The following CD1B variants were observed in gnomAD, a reference collection of about 807,000 sequenced individuals.
The protein encoded by CD1B is CD1b molecule.
CD1B carries 43 observed loss-of-function variants against 39.8 expected under a neutral mutation model. The observed-to-expected ratio is 1.08, with a 90% CI of 0.85 to 1.39. The LOEUF (loss-of-function observed/expected upper bound fraction) is 1.39, where lower values mean the gene tolerates loss of function less well. Among genes scored for constraint, CD1B ranks in the 40% most tolerant of loss-of-function variants. CD1B has a pLI of 0.00. For synonymous variants in CD1B, 192 were observed against 152.5 expected (o/e 1.26, Z -1.91); for missense variants, 495 against 403.8 (o/e 1.23, Z -1.94).
At chr1:158,330,400 C>T in intron 2 of CD1B, 1 of 569,182 alleles carries the variant, frequency 1.8e-6, no homozygotes, top group Non-Finnish European at 3.1e-6. Context: ...AGGAGTGCAG[C>T]ATTCCAGAGT....
At chr1:158,302,323 C>G in the CD1B span, among the ~76,000 whole-genome samples, 1 of 151,938 alleles carries the variant, frequency 6.6e-6, no homozygotes, top group South Asian at 2.1e-4. Context: ...CACTAAATGC[C>G]CACATCAAAA....
chr1:158,304,668 C>A, the CD1B span, among the ~76,000 whole-genome samples: 1 of 152,196 alleles, frequency 6.6e-6, no homozygotes. Flanking sequence ...GCCCAAGTAG[C>A]CTAACTGGGA....
At chr1:158,289,986 T>G in the CD1B span, 2 of 1,299,994 alleles carry the variant, frequency 1.5e-6, no homozygotes, top group Non-Finnish European at 2.2e-6. Flanking sequence ...AGTCAGAATA[T>G]AGGTACAGAG....
downstream of CD1B, among the ~76,000 whole-genome samples, chr1:158,323,894 G>A (rs73027850): frequency 0.044 from 6,635 of 152,214 alleles, 490 homozygotes; most frequent in African/African-American, 0.15. Flanking sequence ...GCTGAGACTG[G>A]GTCCCCTCAG....
chr1:158,326,558 A>C (rs1318702164), downstream of CD1B, among the ~76,000 whole-genome samples: 1 of 152,170 alleles, frequency 6.6e-6, no homozygotes, highest in Non-Finnish European at 1.5e-5. Flanking sequence ...TGAATGCTGA[A>C]CAACTATATA....
At chr1:158,311,386 C>A in the CD1B span, among the ~76,000 whole-genome samples, 4 of 151,972 alleles carry the variant, frequency 2.6e-5, no homozygotes. Context: ...TACTTTTTTG[C>A]CATTGAGCTC....
downstream of CD1B, among the ~76,000 whole-genome samples, chr1:158,326,540 A>AAAAAAT (rs1334735673): frequency 6.6e-6 from 1 of 152,176 alleles, no homozygotes; most frequent in African/African-American, 2.4e-5. Context: ...AGACAATTGG[A>AAAAAAT]AAAAATTTGA....
At chr1:158,295,286 G>C in the CD1B span, among the ~76,000 whole-genome samples, 191 of 152,088 alleles carry the variant, frequency 1.3e-3, 2 homozygotes, top group South Asian at 0.037. Context: ...GGGCTGAAGG[G>C]GGGAAGAAGC....
intron 4 of CD1B, 120 bp downstream of exon 4, chr1:158,329,250 A>AAATC (rs199589750): frequency 1.5e-6 from 2 of 1,299,076 alleles, no homozygotes; most frequent in Non-Finnish European, 2.1e-6. Flanking sequence ...GGGGTCAGGG[A>AAATC]AATCAATCAA....
chr1:158,294,752 G>A, the CD1B span, among the ~76,000 whole-genome samples: 3 of 152,126 alleles, frequency 2.0e-5, no homozygotes, highest in Admixed American at 1.3e-4. Flanking sequence ...TATTAAGATG[G>A]AAATAAACAT....
downstream of CD1B, among the ~76,000 whole-genome samples, chr1:158,325,114 C>T (rs1397804072): frequency 1.3e-5 from 2 of 151,880 alleles, no homozygotes; most frequent in East Asian, 1.9e-4. Flanking sequence ...AAGATAGTTA[C>T]TGAAGATAAT....
chr1:158,307,921 G>A, the CD1B span, among the ~76,000 whole-genome samples: 14 of 152,152 alleles, frequency 9.2e-5, no homozygotes, highest in African/African-American at 3.4e-4. Flanking sequence ...TGGAAAACTG[G>A]CACAAGACAG....
At chr1:158,325,223 T>C (rs906642730), downstream of CD1B, among the ~76,000 whole-genome samples, 5 of 152,118 alleles carry the variant, frequency 3.3e-5, no homozygotes, top group African/African-American at 1.2e-4. Context: ...CCAGGGCACT[T>C]TGAGGTCCCT....
the CD1B span, among the ~76,000 whole-genome samples, chr1:158,300,498 G>T: frequency 2.0e-4 from 31 of 152,254 alleles, no homozygotes; most frequent in East Asian, 5.4e-3. Flanking sequence ...TATTAGGTCT[G>T]CTTGGTGCAG....
the CD1B span, among the ~76,000 whole-genome samples, chr1:158,310,597 A>G: frequency 1.3e-5 from 2 of 152,176 alleles, no homozygotes; most frequent in Non-Finnish European, 2.9e-5. Context: ...CAGCATCTAT[A>G]AGGAACTTAA....
At chr1:158,292,518 T>C in the CD1B span, 1 of 1,519,848 alleles carries the variant, frequency 6.6e-7, no homozygotes, top group South Asian at 1.2e-5. Flanking sequence ...TAACTGTGCA[T>C]ATTCATGTGG....
At chr1:158,318,674 A>T in the CD1B span, among the ~76,000 whole-genome samples, 2 of 152,082 alleles carry the variant, frequency 1.3e-5, no homozygotes, top group Non-Finnish European at 2.9e-5. Context: ...TTTAAAGTTA[A>T]TATTGTTATG....
downstream of CD1B, among the ~76,000 whole-genome samples, chr1:158,325,876 T>G (rs1385255962): frequency 5.9e-5 from 9 of 152,244 alleles, no homozygotes; most frequent in Non-Finnish European, 1.2e-4. Context: ...ATTAATCTAG[T>G]AATGAATGAA....
At chr1:158,300,999 C>T in the CD1B span, among the ~76,000 whole-genome samples, 1 of 152,016 alleles carries the variant, frequency 6.6e-6, no homozygotes, top group Non-Finnish European at 1.5e-5. Flanking sequence ...ACTTCATGAT[C>T]TGCCCACCTC....
Sources: gnomAD v4.1 joint callset for allele counts (sites outside exome capture counted in the v4.1 genomes callset) on GRCh38, gnomAD v4.1.1 for gene constraint, MANE v1.5 for transcripts, NCBI Gene and HGNC (gene_info 2026-07-23, HGNC 2026-07-21) for gene names.